Variants in EPHB2 observed in about 807,000 individuals in gnomAD.
EPHB2 encodes ephrin type-B receptor 2.
Under a neutral mutation model 96.4 loss-of-function variants are expected in EPHB2, and 18 were observed. That is an observed-to-expected ratio of 0.19 (90% CI 0.13 to 0.28). The LOEUF is 0.28. Among genes scored for constraint, EPHB2 ranks in the 10% least tolerant of loss-of-function variants. The pLI is 1.00. For synonymous variants in EPHB2, 506 were observed against 534.1 expected, an observed-to-expected ratio of 0.95 and a Z score of 0.72; for missense variants, 989 against 1,355.4, an observed-to-expected ratio of 0.73 and a Z score of 4.25.
chr1:22,810,705 G>A (rs1644990968), intron 3 of EPHB2, among the ~76,000 whole-genome samples: 1 of 152,188 alleles, frequency 6.6e-6, no homozygotes, highest in South Asian at 2.1e-4. Flanking sequence ...AGCTGCCAGG[G>A]CAGGAAGTTT....
At chr1:22,895,644 A>G in intron 8 of EPHB2, 64 bp downstream of exon 8, 1 of 1,430,346 alleles carries the variant, frequency 7.0e-7, no homozygotes, top group African/African-American at 1.4e-5. Flanking sequence ...CTCTCTATTC[A>G]GTCATCCCTC....
intron 3 of EPHB2, among the ~76,000 whole-genome samples, chr1:22,857,303 A>G (rs757435857): frequency 1.3e-5 from 2 of 152,120 alleles, no homozygotes; most frequent in Non-Finnish European, 2.9e-5. Flanking sequence ...ACCACTGCAT[A>G]TGGAGCATGT....
At chr1:22,746,588 A>G (rs1643977908) in intron 1 of EPHB2, among the ~76,000 whole-genome samples, 1 of 152,134 alleles carries the variant, frequency 6.6e-6, no homozygotes, top group South Asian at 2.1e-4. Context: ...GAGATGGTGA[A>G]ATTAGCCTTT....
chr1:22,800,794 ACACTCTCT>A (rs890844804), intron 3 of EPHB2, among the ~76,000 whole-genome samples: 40 of 151,498 alleles, frequency 2.6e-4, no homozygotes, highest in Non-Finnish European at 5.0e-4. Flanking sequence ...ACACACACAC[ACACTCTCT>A]CTCTCTTTCT....
At chr1:22,909,748 T>A (rs1640032656) in intron 13 of EPHB2, among the ~76,000 whole-genome samples, 1 of 151,996 alleles carries the variant, frequency 6.6e-6, no homozygotes, top group Non-Finnish European at 1.5e-5. Flanking sequence ...TTAGCAAAAA[T>A]GAAGACAGGA....
chr1:22,775,183 C>A, intron 1 of EPHB2: 1 of 779,760 alleles, frequency 1.3e-6, no homozygotes, highest in Non-Finnish European at 2.4e-6. Context: ...AAAAATAACA[C>A]AGTTGTGAAA....
intron 1 of EPHB2, among the ~76,000 whole-genome samples, chr1:22,739,887 G>A (rs533863304): frequency 7.9e-5 from 12 of 152,306 alleles, no homozygotes; most frequent in Non-Finnish European, 1.8e-4. Context: ...AAGTTGTGCC[G>A]GGCTGCAGAA....
intron 3 of EPHB2, among the ~76,000 whole-genome samples, chr1:22,806,514 G>C (rs539186078): frequency 2.0e-5 from 2 of 99,234 alleles, no homozygotes; most frequent in South Asian, 6.5e-4. Context: ...CGGATGGATG[G>C]ATGGATGGAT....
intron 3 of EPHB2, among the ~76,000 whole-genome samples, chr1:22,809,757 A>G (rs1246114008): frequency 6.6e-6 from 1 of 152,214 alleles, no homozygotes; most frequent in East Asian, 1.9e-4. Flanking sequence ...GCACTGTATT[A>G]GGCACCAAGA....
At chr1:22,801,739 C>G (rs549493279) in intron 3 of EPHB2, among the ~76,000 whole-genome samples, 2 of 152,344 alleles carry the variant, frequency 1.3e-5, no homozygotes, top group East Asian at 3.9e-4. Flanking sequence ...CATCCCATCC[C>G]CTTCCCCCTC....
chr1:22,771,120 G>A (rs1308146359), intron 1 of EPHB2, among the ~76,000 whole-genome samples: 1 of 152,198 alleles, frequency 6.6e-6, no homozygotes, highest in African/African-American at 2.4e-5. Context: ...GGGCCTGGGT[G>A]ATCAGGAGTA....
At chr1:22,758,601 T>C (rs959941522) in intron 1 of EPHB2, among the ~76,000 whole-genome samples, 7 of 151,926 alleles carry the variant, frequency 4.6e-5, no homozygotes, top group Non-Finnish European at 1.0e-4. Flanking sequence ...AGGGTGGGAT[T>C]CTGGCTGCCC....
intron 1 of EPHB2, among the ~76,000 whole-genome samples, chr1:22,738,590 C>T (rs1307537387): frequency 2.0e-5 from 3 of 152,316 alleles, no homozygotes; most frequent in South Asian, 2.1e-4. Context: ...AGATAACTTC[C>T]GTGTGCTTTC....
At chr1:22,888,019 G>GT (rs1171702891) in intron 6 of EPHB2, among the ~76,000 whole-genome samples, 2 of 151,998 alleles carry the variant, frequency 1.3e-5, no homozygotes, top group East Asian at 3.9e-4. Context: ...CTCTATAATG[G>GT]TTTTTTTGTT....
intron 3 of EPHB2, among the ~76,000 whole-genome samples, chr1:22,802,129 C>T (rs922653359): frequency 6.6e-6 from 1 of 151,962 alleles, no homozygotes; most frequent in Non-Finnish European, 1.5e-5. Context: ...GGGGCCCGCC[C>T]AGTGTTGAAT....
In EPHB2 at chr1:22,784,271, T is replaced by C. The variant is rs931040507; in HGVS notation, c.127-121T>C. 5 of 897,952 alleles carry C rather than the reference T, an allele frequency of 5.6e-6. No individual in the cohort carries two copies. The highest frequency in any genetic ancestry group is 9.1e-6 in the Non-Finnish European group (5 of 551,858). 55.6% of individuals were successfully genotyped at this position (897,952 alleles called of 1,614,324 possible). ...CTCCCCCATCAGATTGGGAATTCTC[T>C]GATGTCTTCACCATTAGACTGGAGG... On this transcript the variant is annotated intron_variant, in intron 2 of 15. Coordinates refer to ENST00000374630, the MANE Select transcript of EPHB2 (RefSeq NM_017449.5). The surrounding 1 kb of genome is among the most constrained non-coding windows in gnomAD (Gnocchi z 5.1).
intron 9 of EPHB2, among the ~76,000 whole-genome samples, chr1:22,900,063 G>A (rs1423521529): frequency 6.6e-6 from 1 of 151,930 alleles, no homozygotes. Context: ...GGAGGCCAAG[G>A]CGGGTGGATT....
chr1:22,859,181 C>A (rs1464409070), intron 3 of EPHB2, among the ~76,000 whole-genome samples: 4 of 151,428 alleles, frequency 2.6e-5, no homozygotes, highest in Admixed American at 6.6e-5. Context: ...TCAGGGAAGA[C>A]TTCCTAGAAG....
intron 3 of EPHB2, among the ~76,000 whole-genome samples, chr1:22,809,674 GACTGTCTA>G (rs1275350898): frequency 6.6e-6 from 1 of 152,140 alleles, no homozygotes; most frequent in Non-Finnish European, 1.5e-5. Flanking sequence ...TTGAACCCAG[GACTGTCTA>G]ACTCTAAGCT....
Sources: gnomAD v4.1 joint callset for allele counts (sites outside exome capture counted in the v4.1 genomes callset) on GRCh38, gnomAD v4.1.1 for gene constraint, Gnocchi (gnomAD v3.1) non-coding constraint, MANE v1.5 for transcripts, NCBI Gene and HGNC (gene_info 2026-07-23, HGNC 2026-07-21) for gene names.